LINGO2: variants seen among roughly 807,000 people sequenced by gnomAD.
The protein encoded by LINGO2 is leucine-rich repeat and immunoglobulin-like domain-containing nogo receptor-interacting protein 2.
Under a neutral mutation model 30.6 loss-of-function variants are expected in LINGO2, and 14 were observed. The ratio of observed to expected loss-of-function variants is 0.46; its 90% CI spans 0.30 to 0.72. The LOEUF (loss-of-function observed/expected upper bound fraction) is 0.72. LINGO2 is among the 30% of genes least tolerant of loss of function. LINGO2 has a pLI of 0.07. For missense variants in LINGO2, 729 were observed against 751.7 expected (o/e 0.97, Z 0.35); for synonymous variants, 317 against 288.5 (o/e 1.10, Z -1.00).
the LINGO2 span, among the ~76,000 whole-genome samples, chr9:28,780,309 C>A: frequency 6.6e-6 from 1 of 151,636 alleles, no homozygotes; most frequent in Non-Finnish European, 1.5e-5. Context: ...TGAGCCTATT[C>A]ATTGGTATTT....
intron 4 of LINGO2, among the ~76,000 whole-genome samples, chr9:28,118,762 C>A (rs1231522271): frequency 1.3e-5 from 2 of 152,114 alleles, no homozygotes; most frequent in African/African-American, 4.8e-5. Context: ...TTTGCTAATA[C>A]ATATTATCTT....
the LINGO2 span, among the ~76,000 whole-genome samples, chr9:29,072,268 T>G: frequency 1.3e-5 from 2 of 152,116 alleles, no homozygotes; most frequent in African/African-American, 2.4e-5. Context: ...TCTGATTTCT[T>G]GATATATGTA....
chr9:28,053,424 A>G (rs1824769642), intron 4 of LINGO2, among the ~76,000 whole-genome samples: 1 of 152,122 alleles, frequency 6.6e-6, no homozygotes, highest in African/African-American at 2.4e-5. Context: ...CACATTTTCT[A>G]AAGAACTCTT....
At chr9:28,881,917 C>T in the LINGO2 span, among the ~76,000 whole-genome samples, 1 of 152,130 alleles carries the variant, frequency 6.6e-6, no homozygotes, top group African/African-American at 2.4e-5. Flanking sequence ...TGGTGAAAAC[C>T]TTTTTCTTAT....
At position 28,173,416 on chromosome 9, in the gene LINGO2, T is replaced by C. The variant is rs1280722346; in HGVS notation, c.-87+121792A>G. Among the ~76,000 whole-genome samples the C allele has an allele frequency of 2.0e-5, 3 of 152,124 alleles. No individual in the cohort carries two copies. The East Asian group carries it at 5.8e-4, about 29-fold the overall frequency. ...AAATGGAAAATTGGAAGGTGAGATA[T>C]AACAGGAGGAAAAAATTCAAAGAAT... On this transcript the variant is annotated intron_variant, in intron 4 of 5. Coordinates refer to ENST00000379992, the Ensembl canonical transcript of LINGO2.
chr9:28,927,094 C>T, the LINGO2 span, among the ~76,000 whole-genome samples: 1 of 152,156 alleles, frequency 6.6e-6, no homozygotes, highest in African/African-American at 2.4e-5. Flanking sequence ...CTGGATTGTA[C>T]ATCTCCTGAA....
chr9:29,068,513 G>T, the LINGO2 span, among the ~76,000 whole-genome samples: 1 of 151,630 alleles, frequency 6.6e-6, no homozygotes, highest in African/African-American at 2.4e-5. Context: ...TTATAATAAA[G>T]CAATTGACAT....
the LINGO2 span, among the ~76,000 whole-genome samples, chr9:29,007,813 G>A: frequency 6.6e-6 from 1 of 152,204 alleles, no homozygotes; most frequent in South Asian, 2.1e-4. Flanking sequence ...TGAATATGTT[G>A]AGTATGCAGG....
At chr9:28,383,441 T>C (rs1821440326) in intron 2 of LINGO2, among the ~76,000 whole-genome samples, 1 of 152,018 alleles carries the variant, frequency 6.6e-6, no homozygotes, top group African/African-American at 2.4e-5. Flanking sequence ...GGAGGAAGGT[T>C]TCCAAAAAGG....
the LINGO2 span, among the ~76,000 whole-genome samples, chr9:28,780,198 C>A: frequency 6.6e-6 from 1 of 152,124 alleles, no homozygotes; most frequent in African/African-American, 2.4e-5. Flanking sequence ...AATGTTGCCA[C>A]TGGAATCAAG....
intron 5 of LINGO2, among the ~76,000 whole-genome samples, chr9:27,999,162 A>C (rs1315052961): frequency 1.3e-5 from 2 of 152,084 alleles, no homozygotes; most frequent in Non-Finnish European, 2.9e-5. Flanking sequence ...AGTGCACATA[A>C]CTAAAAATGA....
At chr9:28,780,346 A>T in the LINGO2 span, among the ~76,000 whole-genome samples, 6 of 151,280 alleles carry the variant, frequency 4.0e-5, no homozygotes, top group South Asian at 2.1e-4. Flanking sequence ...TGTGAGTAAA[A>T]TTTTTTTTTT....
chr9:28,691,951 C>T, the LINGO2 span, among the ~76,000 whole-genome samples: 1 of 152,110 alleles, frequency 6.6e-6, no homozygotes, highest in Non-Finnish European at 1.5e-5. Context: ...GAGGAATCCT[C>T]AAAGCAGAGA....
At position 28,560,977 on chromosome 9, in the gene LINGO2, A is replaced by G. The variant is rs79321666; in HGVS notation, c.-364-84952T>C. Among the ~76,000 whole-genome samples the G allele has an allele frequency of 7.6e-3, 1,155 of 152,106 alleles. 37 individuals carry two copies. In the East Asian group the frequency reaches 0.097, roughly 13 times the overall value. ...GGTATAAGCCACCACACCTGGCCTC[A>G]TTCTTCTTCTTAAACATATAAGTTT... On this transcript the variant is annotated intron_variant, in intron 1 of 5. Coordinates refer to ENST00000379992, the Ensembl canonical transcript of LINGO2.
At chr9:28,824,597 A>T in the LINGO2 span, among the ~76,000 whole-genome samples, 1 of 152,172 alleles carries the variant, frequency 6.6e-6, no homozygotes, top group Non-Finnish European at 1.5e-5. Flanking sequence ...ATGCAGAAAA[A>T]GGCTACAAGG....
chr9:28,094,269 C>G (rs1826180860), intron 4 of LINGO2, among the ~76,000 whole-genome samples: 1 of 152,070 alleles, frequency 6.6e-6, no homozygotes, highest in African/African-American at 2.4e-5. Flanking sequence ...AATTTTAACT[C>G]TTGTCAAATG....
intron 4 of LINGO2, among the ~76,000 whole-genome samples, chr9:28,273,772 C>A (rs186246389): frequency 1.3e-5 from 2 of 152,230 alleles, no homozygotes; most frequent in Admixed American, 6.5e-5. Context: ...AGTAGCTGTA[C>A]CTAAATGAGT....
At chr9:27,941,377 C>A in the LINGO2 span, 3 of 152,242 alleles carry the variant, frequency 2.0e-5, no homozygotes, top group Non-Finnish European at 4.4e-5. Context: ...GGGGAGGTTG[C>A]AGTGAGCCGA....
intron 4 of LINGO2, among the ~76,000 whole-genome samples, chr9:28,266,953 G>A (rs927944036): frequency 1.3e-5 from 2 of 151,822 alleles, no homozygotes; most frequent in African/African-American, 4.8e-5. Flanking sequence ...ATCTATCTTG[G>A]GCAAACCTGT....
Sources: gnomAD v4.1 joint callset for allele counts (sites outside exome capture counted in the v4.1 genomes callset) on GRCh38, gnomAD v4.1.1 for gene constraint, MANE v1.5 for transcripts, NCBI Gene and HGNC (gene_info 2026-07-23, HGNC 2026-07-21) for gene names.